TAF6: variants seen among roughly 807,000 people sequenced by gnomAD.
TAF6 encodes TATA-box binding protein associated factor 6.
In TAF6, 50 loss-of-function variants were observed where a neutral mutation model predicts 73.5. That is an observed-to-expected ratio of 0.68 (90% confidence interval 0.54 to 0.86). The LOEUF is 0.86. Among genes scored for constraint, TAF6 ranks in the 40% least tolerant of loss-of-function variants. The pLI, the probability that TAF6 is intolerant of heterozygous loss-of-function variation, is 0.00. For missense variants in TAF6, 768 were observed against 899.5 expected (o/e 0.85, Z 1.87); for synonymous variants, 424 against 376.7 (o/e 1.13, Z -1.45).
In TAF6 at chr7:100,108,070, A is replaced by G; in HGVS notation, c.1512T>C (p.Pro504=). ...TGGAGCCAGGAACCTTCAGCAAGCC[A>G]GGGGTGCGAGGGCCAGGCTGTGGGG... ...SQAPQPGPRT[P]GLLKVPGSIA... The change falls in exon 14 of 15, where the codon CCT becomes CCC. Residue 504 remains proline (P), a synonymous_variant. Coordinates refer to ENST00000453269, the MANE Select transcript of TAF6 (RefSeq NM_139315.3). The G allele has an allele frequency of 6.2e-7, 1 of 1,612,030 alleles. No homozygotes were observed. Among genetic ancestry groups the G allele is most frequent in the Non-Finnish European group, 8.5e-7 (1 of 1,179,560 alleles).
rs780735165 is a variant in TAF6 at position 100,111,827 on chromosome 7, G to A, written c.801C>T (p.Val267=). The A allele has an allele frequency of 2.7e-5, 44 of 1,614,106 alleles. No individual in the cohort carries two copies. The South Asian group carries it at 4.6e-4, about 17-fold the overall frequency. Residue 267 remains valine (V), a splice_region_variant and synonymous_variant, in exon 9 of 15, where the codon GTC becomes GTT. Coordinates refer to ENST00000453269, the MANE Select transcript of TAF6 (RefSeq NM_139315.3). ...PRFSTFISEG[V]RVNVVQNNLA... Reference sequence around the variant, plus strand: ...GGTTGTTCTGAACCACGTTCACACGGACCTGTGGGAGGGAGAAGTGCTGGG... The same window carrying A: ...GGTTGTTCTGAACCACGTTCACACGAACCTGTGGGAGGGAGAAGTGCTGGG...
chr7:100,112,427 T>G (rs1797273598), intron 6 of TAF6, among the ~76,000 whole-genome samples, 174 bp from the exon 7 acceptor site: 1 of 151,704 alleles, frequency 6.6e-6, no homozygotes, highest in African/African-American at 2.4e-5. Flanking sequence ...AATGGCCACA[T>G]GGAGGCCTGG....
chr7:100,124,514 T>C, upstream of TAF6: 1 of 1,609,070 alleles, frequency 6.2e-7, no homozygotes, highest in Non-Finnish European at 8.5e-7. Context: ...ACTTGACCAG[T>C]GTGAGACCAT....
chr7:100,125,640 TACACACAC>T, the TAF6 span: 1 of 150,952 alleles, frequency 6.6e-6, no homozygotes. Flanking sequence ...ACCCCAATTC[TACACACAC>T]ACACACACAC....
upstream of TAF6, chr7:100,119,503 T>C (rs550389597): frequency 7.5e-7 from 1 of 1,336,508 alleles, no homozygotes; most frequent in Non-Finnish European, 9.9e-7. Flanking sequence ...TCCCTCTTGG[T>C]GTAATTACTG....
chr7:100,111,175 G>A lies in TAF6; in HGVS notation c.1047C>T (p.Asn349=), dbSNP rs1309918428. The change falls in exon 10 of 15, where the codon AAC becomes AAT. Residue 349 remains asparagine, a synonymous_variant. Coordinates refer to ENST00000453269, the MANE Select transcript of TAF6 (RefSeq NM_139315.3). ...QICKHFSTTT[N]NIQSRITKTF... The stretch of plus-strand genomic sequence containing the variant: ...TCTTGGTGATCCGGGACTGGATGTT[G>A]TTAGTGGTTGTGCTAAAATGCTTGC... 3 of 1,614,026 alleles carry A rather than the reference G, an allele frequency of 1.9e-6. No individual in the cohort carries two copies. The highest frequency in any genetic ancestry group is 1.3e-5 in the African/African-American group (1 of 74,910).
upstream of TAF6, chr7:100,122,079 G>C: frequency 1.8e-5 from 9 of 492,474 alleles, no homozygotes; most frequent in Admixed American, 3.7e-5. Flanking sequence ...TGAAGAAACC[G>C]AGGCACAGCA....
upstream of TAF6, among the ~76,000 whole-genome samples, chr7:100,123,906 G>A (rs965991578): frequency 1.6e-4 from 24 of 152,118 alleles, no homozygotes; most frequent in Admixed American, 9.2e-4. Flanking sequence ...CGAGACAGGC[G>A]GATCACGACA....
upstream of TAF6, chr7:100,119,896 C>A: frequency 1.3e-6 from 2 of 1,549,612 alleles, 1 homozygote; most frequent in African/African-American, 2.8e-5. Flanking sequence ...TAGGCATCGC[C>A]CGGCCACACC....
At chr7:100,117,237 C>G (rs985005804) in intron 1 of TAF6, among the ~76,000 whole-genome samples, 1 of 151,186 alleles carries the variant, frequency 6.6e-6, no homozygotes, top group Non-Finnish European at 1.5e-5. Flanking sequence ...AGAGTGAGAC[C>G]CCGTCTCCGT....
upstream of TAF6, chr7:100,122,397 G>A (rs190443531): frequency 1.5e-4 from 241 of 1,614,004 alleles, no homozygotes; most frequent in African/African-American, 2.7e-3. Flanking sequence ...TGAGTCCTTC[G>A]TGCTCCTCCC....
chr7:100,114,267 C>A lies in TAF6; in HGVS notation c.-58G>T. The A allele has an allele frequency of 6.2e-7, 1 of 1,613,176 alleles. No individual in the cohort carries two copies. The highest frequency in any genetic ancestry group is 8.5e-7 in the Non-Finnish European group (1 of 1,180,020). ...GAAGCCCCCGGTGGAGAGACGGAGA[C>A]CCTGGCAGAGGAACGGGGCAGGCAG... is the stretch of plus-strand genomic sequence containing the variant. On this transcript the variant is annotated splice_region_variant and 5_prime_UTR_variant, in exon 2 of 15. Coordinates refer to ENST00000453269, the MANE Select transcript of TAF6 (RefSeq NM_139315.3).
chr7:100,121,110 A>ATTTTTTTTTT (rs1798036782), upstream of TAF6: 14 of 28,396 alleles, frequency 4.9e-4, no homozygotes, highest in Admixed American at 7.8e-4. Flanking sequence ...ATATATATAT[A>ATTTTTTTTTT]TATATATTTT....
intron 14 of TAF6, 89 bp from the exon 15 acceptor site, chr7:100,107,712 G>T (rs1036860983): frequency 2.5e-5 from 38 of 1,531,580 alleles, no homozygotes; most frequent in Non-Finnish European, 3.2e-5. Context: ...CTCCCTGCCT[G>T]AACAAGTTGT....
In TAF6 at chr7:100,108,025, T is replaced by C; in HGVS notation, c.1557A>G (p.Thr519=). The C allele has an allele frequency of 1.2e-6, 2 of 1,613,742 alleles. No homozygotes were observed. The highest frequency in any genetic ancestry group is 1.7e-6 in the Non-Finnish European group (2 of 1,179,944). The change falls in exon 14 of 15, where the codon ACA becomes ACG. Residue 519 remains threonine (T), a synonymous_variant. Transcript: ENST00000453269. ...VPGSIALPVQ[T]LVSARAAAPP... is the part of the protein sequence containing the mutation. Reference sequence around the variant, plus strand: ...GGGCAGCCGCTCGTGCAGACACCAGTGTCTGGACAGGAAGTGCGATGGAGC... The same window carrying C: ...GGGCAGCCGCTCGTGCAGACACCAGCGTCTGGACAGGAAGTGCGATGGAGC...
At chr7:100,116,490 T>C (rs1402758697) in intron 1 of TAF6, 1 of 151,626 alleles carries the variant, frequency 6.6e-6, no homozygotes, top group Non-Finnish European at 1.5e-5. Flanking sequence ...AATAAAAAAA[T>C]TAGATGGGCA....
At position 100,108,467 on chromosome 7, in the gene TAF6, C is replaced by G; in HGVS notation, c.1358G>C (p.Gly453Ala). ...GGAGCAGAGGAGGGGCCCAAGGGAC[C>G]CGAATTCTGCCCGATAGGCGTCCTG... Reference protein sequence around the residue: ...DNQDAYRAEFGSLGPLLCSQV... With the variant: ...DNQDAYRAEFASLGPLLCSQV... The change falls in exon 13 of 15, where the codon GGG (glycine) becomes GCG (alanine). Residue 453 changes from glycine to alanine, a missense_variant. Transcript: ENST00000453269. 5 of 1,613,946 alleles carry G rather than the reference C, an allele frequency of 3.1e-6. No homozygotes were observed. The highest frequency in any genetic ancestry group is 4.2e-6 in the Non-Finnish European group (5 of 1,179,920).
rs1050542 is a variant in TAF6, at chr7:100,107,204, A to T, written c.*42T>A. On this transcript the variant is annotated 3_prime_UTR_variant, in exon 15 of 15. Transcript: ENST00000453269. ...CATGTGTGTACGTGCACGTGTGTAC[A>T]TGTCTGCATGTGTGGGAATCCGGGG... is the stretch of plus-strand genomic sequence containing the variant. The T allele has an allele frequency of 6.6e-7, 1 of 1,518,690 alleles. No individual in the cohort carries two copies. Among genetic ancestry groups the T allele is most frequent in the Non-Finnish European group, 8.8e-7 (1 of 1,136,218 alleles). The allele number at this position is 1,518,690 out of a possible 1,614,324, so 94.1% of individuals were successfully genotyped here. A position where few individuals can be genotyped will look rare whatever the true frequency, so the allele number is the denominator to read the frequency against.
chr7:100,123,126 G>A (rs1798117449), upstream of TAF6, among the ~76,000 whole-genome samples: 1 of 152,124 alleles, frequency 6.6e-6, no homozygotes, highest in East Asian at 1.9e-4. Context: ...TGGATCACCT[G>A]AGGTCATAAG....
Sources: gnomAD v4.1 joint callset for allele counts (sites outside exome capture counted in the v4.1 genomes callset) on GRCh38, gnomAD v4.1.1 for gene constraint, MANE v1.5 for transcripts, NCBI Gene and HGNC (gene_info 2026-07-23, HGNC 2026-07-21) for gene names.